The following COL21A1 variants were observed in gnomAD, a reference collection of about 807,000 sequenced individuals.
The protein encoded by COL21A1 is collagen type XXI alpha 1 chain.
COL21A1 carries 149 observed loss-of-function variants against 137.9 expected under a neutral mutation model. The ratio of observed to expected loss-of-function variants is 1.08; its 90% CI spans 0.95 to 1.24. The LOEUF (loss-of-function observed/expected upper bound fraction) is 1.24, where lower values mean the gene tolerates loss of function less well. COL21A1 is among the 50% of genes most tolerant of loss of function. The pLI, the probability that COL21A1 is intolerant of heterozygous loss-of-function variation, is 0.00. For synonymous variants in COL21A1, 456 were observed against 391.5 expected, an observed-to-expected ratio of 1.16 and a Z score of -1.95; for missense variants, 1,167 against 1,158.4, an observed-to-expected ratio of 1.01 and a Z score of -0.11.
chr6:56,243,771 G>C (rs1582722064), intron 1 of COL21A1, among the ~76,000 whole-genome samples: 1 of 152,174 alleles, frequency 6.6e-6, no homozygotes, highest in African/African-American at 2.4e-5. Context: ...AAAGTAATGA[G>C]GTCAGGATTC....
At chr6:56,311,434 G>T (rs530739998) in intron 1 of COL21A1, among the ~76,000 whole-genome samples, 1 of 152,316 alleles carries the variant, frequency 6.6e-6, no homozygotes, top group South Asian at 2.1e-4. Flanking sequence ...AAAGGAGGAA[G>T]AACATTGAGA....
intron 5 of COL21A1, 146 bp from the exon 6 acceptor site, chr6:56,168,443 CA>C (rs2152270840): frequency 2.0e-6 from 1 of 507,744 alleles, no homozygotes; most frequent in African/African-American, 1.9e-5. Context: ...CACCCTGATC[CA>C]AGGTGGACCT....
In COL21A1 at chr6:56,059,197, T is replaced by C. The variant is rs543903916; in HGVS notation, c.2654A>G (p.Tyr885Cys). ...NGEKGSQGFGYPGEQGPPGPP... is the reference protein window; with the variant it reads ...NGEKGSQGFGCPGEQGPPGPP... Reference sequence around the variant, plus strand: ...ACCAGGAGGACCTTGTTCTCCAGGATACCCAAACCCTTGGCTCCCTTTTTC... The same window carrying C: ...ACCAGGAGGACCTTGTTCTCCAGGACACCCAAACCCTTGGCTCCCTTTTTC... The change falls in exon 29 of 30, where the codon TAT becomes TGT. Residue 885 changes from tyrosine to cysteine, a missense_variant. Tyr to Cys is a radical substitution (Grantham distance 194). Transcript: ENST00000244728. 1 of 1,611,244 alleles carries C rather than the reference T, an allele frequency of 6.2e-7. No individual in the cohort carries two copies. Among genetic ancestry groups the C allele is most frequent in the East Asian group, 2.2e-5 (1 of 44,744 alleles).
At chr6:56,251,394 G>A (rs189333362), upstream of COL21A1, among the ~76,000 whole-genome samples, 103 of 152,224 alleles carry the variant, frequency 6.8e-4, no homozygotes, top group South Asian at 6.8e-3. Flanking sequence ...ATTCCCATGG[G>A]AACAGTAAAC....
chr6:56,226,759 C>T (rs116756089), intron 1 of COL21A1, among the ~76,000 whole-genome samples: 143 of 152,080 alleles, frequency 9.4e-4, no homozygotes, highest in African/African-American at 3.3e-3. Flanking sequence ...ATGTTCCTCA[C>T]TTCCATAAAA....
intron 29 of COL21A1, 115 bp downstream of exon 29, chr6:56,059,050 A>C: frequency 1.3e-6 from 1 of 763,572 alleles, no homozygotes; most frequent in Non-Finnish European, 2.2e-6. Context: ...TTAAATGTGA[A>C]TCACTCAAAA....
At chr6:56,390,495 G>GACACAC (rs35424168) in intron 1 of COL21A1, among the ~76,000 whole-genome samples, 18,815 of 139,524 alleles carry the variant, frequency 0.13, 1,375 homozygotes, top group Middle Eastern at 0.16. Context: ...TGGCTGAATG[G>GACACAC]ACACACACAC....
At chr6:56,366,413 T>C (rs1334383429) in intron 1 of COL21A1, among the ~76,000 whole-genome samples, 1 of 152,128 alleles carries the variant, frequency 6.6e-6, no homozygotes, top group South Asian at 2.1e-4. Flanking sequence ...GTTGGGATCA[T>C]GTCAATTCTC....
chr6:56,285,758 C>T (rs1763896339), intron 1 of COL21A1, among the ~76,000 whole-genome samples: 2 of 151,996 alleles, frequency 1.3e-5, no homozygotes, highest in Admixed American at 1.3e-4. Context: ...TCATTAAAAC[C>T]TTCCTCCAGG....
intron 1 of COL21A1, among the ~76,000 whole-genome samples, chr6:56,230,454 C>T (rs116543512): frequency 0.013 from 2,043 of 151,682 alleles, 42 homozygotes; most frequent in African/African-American, 0.046. Flanking sequence ...TTCTTAATTC[C>T]GTACAGCCTC....
intron 1 of COL21A1, among the ~76,000 whole-genome samples, chr6:56,377,773 T>TA (rs1397489585): frequency 1.3e-5 from 2 of 151,164 alleles, no homozygotes; most frequent in African/African-American, 4.9e-5. Context: ...ACCCTTCTCC[T>TA]AATTCCAGGC....
intron 16 of COL21A1, among the ~76,000 whole-genome samples, chr6:56,116,396 TAAAAAAAAAA>T (rs370697652): frequency 1.1e-5 from 1 of 90,832 alleles, no homozygotes; most frequent in Non-Finnish European, 2.1e-5. Context: ...GTGCCAAAGG[TAAAAAAAAAA>T]AAAAAAAAAA....
intron 1 of COL21A1, among the ~76,000 whole-genome samples, chr6:56,285,461 C>T (rs555822880): frequency 2.6e-5 from 4 of 152,186 alleles, no homozygotes; most frequent in African/African-American, 7.2e-5. Flanking sequence ...GAGCAATTTA[C>T]CTCAAACAAC....
intron 14 of COL21A1, 81 bp downstream of exon 14, chr6:56,125,486 G>GT: frequency 2.1e-6 from 2 of 944,258 alleles, no homozygotes; most frequent in Non-Finnish European, 3.3e-6. Context: ...CTAATGCTGG[G>GT]TTAGAACTGC....
intron 1 of COL21A1, among the ~76,000 whole-genome samples, chr6:56,329,409 G>A (rs1200716081): frequency 6.6e-6 from 1 of 151,972 alleles, no homozygotes; most frequent in Admixed American, 6.6e-5. Context: ...AGGAAGTCAG[G>A]GAAATGTATT....
At chr6:56,312,072 A>G (rs1764628039) in intron 1 of COL21A1, among the ~76,000 whole-genome samples, 1 of 152,244 alleles carries the variant, frequency 6.6e-6, no homozygotes, top group South Asian at 2.1e-4. Flanking sequence ...TGACATGCTG[A>G]AAAGGTGACT....
At chr6:56,247,932 G>A (rs1782739667), upstream of COL21A1, among the ~76,000 whole-genome samples, 1 of 152,188 alleles carries the variant, frequency 6.6e-6, no homozygotes, top group Non-Finnish European at 1.5e-5. Context: ...TGCCTCCCTT[G>A]CCCAAGAAGA....
At chr6:56,370,286 C>T (rs769631106) in intron 1 of COL21A1, among the ~76,000 whole-genome samples, 21 of 152,242 alleles carry the variant, frequency 1.4e-4, no homozygotes, top group Non-Finnish European at 2.8e-4. Context: ...TCTCTGTTCC[C>T]GGCCTTCCTC....
At chr6:56,382,321 A>T (rs1465998693) in intron 1 of COL21A1, among the ~76,000 whole-genome samples, 2 of 152,220 alleles carry the variant, frequency 1.3e-5, no homozygotes, top group African/African-American at 4.8e-5. Flanking sequence ...CTATATTCTC[A>T]TAATTCCATT....
Sources: gnomAD v4.1 joint callset for allele counts (sites outside exome capture counted in the v4.1 genomes callset) on GRCh38, gnomAD v4.1.1 for gene constraint, MANE v1.5 for transcripts, NCBI Gene and HGNC (gene_info 2026-07-23, HGNC 2026-07-21) for gene names.